Variants in NUP160 observed in about 807,000 individuals in gnomAD.
The protein encoded by NUP160 is nuclear pore complex protein Nup160.
NUP160 carries 94 observed loss-of-function variants against 196.9 expected under a neutral mutation model. The ratio of observed to expected loss-of-function variants is 0.48; its 90% confidence interval spans 0.40 to 0.57. The LOEUF is 0.57. Ranked by LOEUF, NUP160 falls within the 20% of genes least tolerant of loss-of-function variation. NUP160 has a pLI of 0.00. For missense variants in NUP160, 1,638 were observed against 1,748.3 expected (o/e 0.94, Z 1.13); for synonymous variants, 605 against 619.7 (o/e 0.98, Z 0.35).
chr11:47,818,544 C>G (rs12787655), intron 10 of NUP160, among the ~76,000 whole-genome samples: 2 of 125,960 alleles, frequency 1.6e-5, no homozygotes, highest in Non-Finnish European at 3.8e-5. Context: ...TATATGCAAA[C>G]AAAACAAAAC....
At chr11:47,813,539 G>C (rs1427343199) in intron 13 of NUP160, 124 bp from the exon 14 acceptor site, 1 of 628,950 alleles carries the variant, frequency 1.6e-6, no homozygotes, top group East Asian at 2.9e-5. Context: ...AATAATAGGT[G>C]TAAGTCTTGG....
At chr11:47,779,261 T>C in intron 35 of NUP160, 67 bp from the exon 36 acceptor site, 1 of 998,102 alleles carries the variant, frequency 1.0e-6, no homozygotes, top group Non-Finnish European at 1.5e-6. Context: ...AAGTTATTAA[T>C]AACTTTGACT....
chr11:47,787,585 C>A (rs1187473210), intron 31 of NUP160, among the ~76,000 whole-genome samples: 1 of 151,024 alleles, frequency 6.6e-6, no homozygotes, highest in African/African-American at 2.4e-5. Flanking sequence ...GTGTGCCACA[C>A]CCTCATTTTT....
At chr11:47,824,207 G>C (rs1851922996) in intron 7 of NUP160, among the ~76,000 whole-genome samples, 1 of 151,540 alleles carries the variant, frequency 6.6e-6, no homozygotes, top group Non-Finnish European at 1.5e-5. Flanking sequence ...CAACAAAAGA[G>C]TTCTAATTTC....
At chr11:47,811,257 C>T (rs1408047368) in intron 17 of NUP160, among the ~76,000 whole-genome samples, 1 of 152,012 alleles carries the variant, frequency 6.6e-6, no homozygotes, top group Non-Finnish European at 1.5e-5. Flanking sequence ...GCCTGTAATC[C>T]CAGCACTTTG....
At chr11:47,801,512 G>A (rs2097674157) in intron 23 of NUP160, among the ~76,000 whole-genome samples, 1 of 152,022 alleles carries the variant, frequency 6.6e-6, no homozygotes, top group South Asian at 2.1e-4. Context: ...ACCACGCCAG[G>A]CTAATTTTTG....
intron 7 of NUP160, among the ~76,000 whole-genome samples, chr11:47,824,147 G>A (rs1379812463): frequency 6.7e-6 from 1 of 149,894 alleles, no homozygotes. Context: ...AATGGCTGCA[G>A]CATTTTACAT....
chr11:47,846,051 A>G (rs933467200), intron 2 of NUP160, among the ~76,000 whole-genome samples: 1 of 151,740 alleles, frequency 6.6e-6, no homozygotes, highest in Non-Finnish European at 1.5e-5. Flanking sequence ...TGGGAGGGTC[A>G]CTTGAACCCA....
At chr11:47,836,557 G>C (rs960007707) in intron 6 of NUP160, among the ~76,000 whole-genome samples, 1 of 151,984 alleles carries the variant, frequency 6.6e-6, no homozygotes, top group East Asian at 1.9e-4. Flanking sequence ...AGGCTGCAGT[G>C]AGCTATATTC....
intron 9 of NUP160, 26 bp from the exon 10 acceptor site, chr11:47,819,484 T>C: frequency 6.6e-7 from 1 of 1,517,796 alleles, no homozygotes; most frequent in African/African-American, 1.4e-5. Context: ...TCCACCAGTT[T>C]ATACAGAAAT....
At chr11:47,814,225 G>T (rs180707894) in intron 13 of NUP160, among the ~76,000 whole-genome samples, 2 of 151,808 alleles carry the variant, frequency 1.3e-5, no homozygotes, top group African/African-American at 2.4e-5. Context: ...ACAAAGAAAC[G>T]CTGATAACAG....
intron 6 of NUP160, among the ~76,000 whole-genome samples, chr11:47,836,080 C>T (rs1852168128): frequency 6.6e-6 from 1 of 152,130 alleles, no homozygotes; most frequent in Non-Finnish European, 1.5e-5. Context: ...AACCCCATCT[C>T]TACTAAAAAA....
chr11:47,840,348 A>G, intron 3 of NUP160, 30 bp downstream of exon 3: 1 of 1,565,150 alleles, frequency 6.4e-7, no homozygotes. Context: ...TAATTTGGGA[A>G]ATAAAAGATA....
chr11:47,784,807 G>T (rs1230578831), intron 33 of NUP160, 115 bp downstream of exon 33: 7 of 745,758 alleles, frequency 9.4e-6, no homozygotes, highest in Non-Finnish European at 1.4e-5. Flanking sequence ...CTACCAATGT[G>T]CGGGCATGAC....
At chr11:47,847,301 C>A (rs12418852) in intron 2 of NUP160, among the ~76,000 whole-genome samples, 1 of 151,904 alleles carries the variant, frequency 6.6e-6, no homozygotes, top group Admixed American at 6.6e-5. Flanking sequence ...CCTTTCCCTG[C>A]CCCACTAATT....
At chr11:47,783,354 G>C (rs1425046205) in intron 33 of NUP160, among the ~76,000 whole-genome samples, 156 bp from the exon 34 acceptor site, 2 of 151,720 alleles carry the variant, frequency 1.3e-5, no homozygotes, top group East Asian at 1.9e-4. Context: ...GATAAGAGCT[G>C]ATAACAAATC....
chr11:47,780,586 G>A (rs2097660148), intron 34 of NUP160, 139 bp from the exon 35 acceptor site: 2 of 495,652 alleles, frequency 4.0e-6, no homozygotes, highest in Non-Finnish European at 7.2e-6. Flanking sequence ...CGCCCAGGCT[G>A]AGTGCAGTGG....
intron 4 of NUP160, among the ~76,000 whole-genome samples, chr11:47,839,121 C>T (rs915750282): frequency 1.3e-5 from 2 of 151,746 alleles, no homozygotes; most frequent in Admixed American, 1.3e-4. Flanking sequence ...GATGGAGTTT[C>T]GCTCTTGTTG....
intron 10 of NUP160, among the ~76,000 whole-genome samples, chr11:47,819,052 G>T (rs1289612283): frequency 6.6e-6 from 1 of 151,992 alleles, no homozygotes; most frequent in South Asian, 2.1e-4. Context: ...GGTGGCTCAC[G>T]ACTGTAATCC....
Sources: gnomAD v4.1 joint callset for allele counts (sites outside exome capture counted in the v4.1 genomes callset) on GRCh38, gnomAD v4.1.1 for gene constraint, MANE v1.5 for transcripts, NCBI Gene and HGNC (gene_info 2026-07-23, HGNC 2026-07-21) for gene names.